Variants in TSPAN18 observed in about 807,000 individuals in gnomAD.
TSPAN18 encodes tetraspanin 18.
In TSPAN18, 14 loss-of-function variants were observed where a neutral mutation model predicts 27.3. The ratio of observed to expected loss-of-function variants is 0.51; its 90% CI spans 0.34 to 0.80. The LOEUF is 0.80. TSPAN18 is among the 30% of genes least tolerant of loss of function. TSPAN18 has a pLI of 0.01. For synonymous variants in TSPAN18, 143 were observed against 136.5 expected (o/e 1.05, Z -0.33); for missense variants, 268 against 323.9 (o/e 0.83, Z 1.32).
At chr11:44,820,676 C>G (rs1168077008) in intron 2 of TSPAN18, among the ~76,000 whole-genome samples, 1 of 151,916 alleles carries the variant, frequency 6.6e-6, no homozygotes, top group Non-Finnish European at 1.5e-5. Flanking sequence ...CGCCCCCAAT[C>G]TCGTGTTGAA....
intron 3 of TSPAN18, among the ~76,000 whole-genome samples, chr11:44,882,525 A>T (rs1858515796): frequency 6.8e-6 from 1 of 147,774 alleles, no homozygotes; most frequent in Non-Finnish European, 1.5e-5. Context: ...CTTTAAGAGG[A>T]TGTGTTGCCG....
intron 2 of TSPAN18, among the ~76,000 whole-genome samples, chr11:44,788,043 G>C (rs899339963): frequency 6.6e-6 from 1 of 152,198 alleles, no homozygotes; most frequent in Non-Finnish European, 1.5e-5. Flanking sequence ...ATGAAGAAAA[G>C]GTTGAGCATG....
intron 5 of TSPAN18, among the ~76,000 whole-genome samples, chr11:44,914,792 G>T (rs1419154426): frequency 6.6e-6 from 1 of 152,204 alleles, no homozygotes; most frequent in Non-Finnish European, 1.5e-5. Context: ...TTGATGAGAT[G>T]ATCCATGTAA....
intron 3 of TSPAN18, among the ~76,000 whole-genome samples, chr11:44,900,525 G>T (rs1478351964): frequency 6.6e-6 from 1 of 152,066 alleles, no homozygotes. Flanking sequence ...AAAATAGAAT[G>T]ACATTACCTA....
intron 1 of TSPAN18, among the ~76,000 whole-genome samples, chr11:44,727,854 G>T (rs946377720): frequency 6.6e-6 from 1 of 152,206 alleles, no homozygotes; most frequent in African/African-American, 2.4e-5. Context: ...AGGTGTGTGC[G>T]GTTTGGGGAA....
At chr11:44,775,727 G>T (rs1034781098) in intron 2 of TSPAN18, among the ~76,000 whole-genome samples, 2 of 152,234 alleles carry the variant, frequency 1.3e-5, no homozygotes, top group African/African-American at 2.4e-5. Flanking sequence ...GCAAGGGCTT[G>T]AGGATGTTGC....
At chr11:44,872,457 A>G (rs1858221407) in intron 3 of TSPAN18, among the ~76,000 whole-genome samples, 2 of 152,352 alleles carry the variant, frequency 1.3e-5, no homozygotes, top group South Asian at 2.1e-4. Context: ...CATGTAAAAC[A>G]TCAAGTGCAG....
chr11:44,745,557 T>G (rs59695013), intron 1 of TSPAN18, among the ~76,000 whole-genome samples: 8,247 of 151,834 alleles, frequency 0.054, 305 homozygotes, highest in African/African-American at 0.099. Flanking sequence ...TGGGCATGAG[T>G]TGGGGGGTGT....
chr11:44,756,379 T>C (rs1482781600), intron 1 of TSPAN18, among the ~76,000 whole-genome samples: 1 of 151,658 alleles, frequency 6.6e-6, no homozygotes, highest in African/African-American at 2.4e-5. Flanking sequence ...TACTCCCTTT[T>C]TTTCCCCATT....
intron 5 of TSPAN18, among the ~76,000 whole-genome samples, chr11:44,915,156 C>T (rs1859859675): frequency 2.6e-5 from 4 of 152,196 alleles, no homozygotes; most frequent in Admixed American, 2.6e-4. Flanking sequence ...TGAGGCTGCT[C>T]CTTGCCAGCC....
chr11:44,912,720 T>C (rs1429003295), intron 5 of TSPAN18, among the ~76,000 whole-genome samples: 15 of 152,126 alleles, frequency 9.9e-5, no homozygotes, highest in Admixed American at 9.8e-4. Flanking sequence ...ATCGTGTGTG[T>C]TTGTGTGTAC....
chr11:44,924,528 A>G (rs1480494402), intron 8 of TSPAN18, among the ~76,000 whole-genome samples: 8 of 152,054 alleles, frequency 5.3e-5, no homozygotes, highest in Admixed American at 2.6e-4. Context: ...AGAGTTCACA[A>G]ACCCAGTGTG....
chr11:44,775,133 G>A (rs1364308504), intron 2 of TSPAN18, among the ~76,000 whole-genome samples: 2 of 152,210 alleles, frequency 1.3e-5, no homozygotes, highest in African/African-American at 2.4e-5. Flanking sequence ...GCCAGGTACA[G>A]CAAATAAAAT....
Position 44,859,177 on chromosome 11 carries a change from G to A in TSPAN18, c.-152-1151G>A, listed in dbSNP as rs937470961. 3.9e-5 allele frequency among the ~76,000 whole-genome samples: 6 copies of A among 152,316 alleles called. No individual in the cohort carries two copies. In the East Asian group the frequency reaches 5.8e-4, roughly 15 times the overall value. On this transcript the variant is annotated intron_variant, in intron 2 of 9. Coordinates refer to ENST00000520358, the MANE Select transcript of TSPAN18 (RefSeq NM_130783.5). The stretch of plus-strand genomic sequence containing the variant: ...GGGGGCCCACGCAGGTCTCTGAGAC[G>A]CAGAGAAGGGAGCGAAGGTGGGTGC...
chr11:44,730,901 G>A (rs1486070867), intron 1 of TSPAN18, among the ~76,000 whole-genome samples: 1 of 152,162 alleles, frequency 6.6e-6, no homozygotes, highest in Non-Finnish European at 1.5e-5. Context: ...TGAGATTACA[G>A]GCGTGAGCCA....
intron 3 of TSPAN18, among the ~76,000 whole-genome samples, chr11:44,875,263 C>A (rs1254785006): frequency 6.6e-6 from 1 of 152,236 alleles, no homozygotes; most frequent in Non-Finnish European, 1.5e-5. Flanking sequence ...TCTAAGCCTG[C>A]AATTAGGCAA....
At chr11:44,782,361 GT>G (rs1389601323) in intron 2 of TSPAN18, among the ~76,000 whole-genome samples, 1 of 152,034 alleles carries the variant, frequency 6.6e-6, no homozygotes, top group Non-Finnish European at 1.5e-5. Flanking sequence ...GGCCAACATG[GT>G]GAAACCCCAT....
intron 2 of TSPAN18, among the ~76,000 whole-genome samples, chr11:44,791,299 C>T (rs1211192969): frequency 6.6e-6 from 1 of 152,232 alleles, no homozygotes; most frequent in Non-Finnish European, 1.5e-5. Context: ...TGGAGCCAAT[C>T]TGCTCCTCCC....
intron 3 of TSPAN18, among the ~76,000 whole-genome samples, chr11:44,893,956 G>A (rs1032256781): frequency 6.6e-6 from 1 of 152,118 alleles, no homozygotes; most frequent in Non-Finnish European, 1.5e-5. Flanking sequence ...GGTTAATGTG[G>A]CCATTAACAC....
Sources: gnomAD v4.1 joint callset for allele counts (sites outside exome capture counted in the v4.1 genomes callset) on GRCh38, gnomAD v4.1.1 for gene constraint, MANE v1.5 for transcripts, NCBI Gene and HGNC (gene_info 2026-07-23, HGNC 2026-07-21) for gene names.